FKBP14: variants seen among roughly 807,000 people sequenced by gnomAD.
The protein encoded by FKBP14 is peptidyl-prolyl cis-trans isomerase FKBP14.
A neutral mutation model predicts 21.6 loss-of-function variants in FKBP14; 20 were observed. That is an observed-to-expected ratio of 0.92 (90% CI 0.65 to 1.34). FKBP14 has a LOEUF of 1.34. Among genes scored for constraint, FKBP14 ranks in the 40% most tolerant of loss-of-function variants. FKBP14 has a pLI of 0.00. For missense variants in FKBP14, 253 were observed against 249.0 expected, an observed-to-expected ratio of 1.02 and a Z score of -0.11; for synonymous variants, 79 against 86.7, an observed-to-expected ratio of 0.91 and a Z score of 0.49.
At chr7:30,026,110 CAT>C (rs748479404) in intron 1 of FKBP14, among the ~76,000 whole-genome samples, 200 bp downstream of exon 1, 5 of 152,220 alleles carry the variant, frequency 3.3e-5, no homozygotes, top group African/African-American at 1.2e-4. Flanking sequence ...TTCCAGACCA[CAT>C]GTTTCCAACA....
chr7:30,014,808 A>G lies in FKBP14; in HGVS notation c.563T>C (p.Phe188Ser). Reference sequence around the variant, plus strand: ...ATCTTTGTCTTCATCTTCTTTATCAAAAATATCCTCCACCAAAGCATCATG... The same window carrying G: ...ATCTTTGTCTTCATCTTCTTTATCAGAAATATCCTCCACCAAAGCATCATG... ...SHHDALVEDI[F>S]DKEDEDKDGF... The change falls in exon 4 of 4, where the codon TTT becomes TCT. Residue 188 changes from phenylalanine (F) to serine (S), a missense_variant. Phe to Ser is a radical substitution (Grantham distance 155). Coordinates refer to ENST00000222803, the MANE Select transcript of FKBP14 (RefSeq NM_017946.4). 1 of 1,611,580 alleles carries G rather than the reference A, an allele frequency of 6.2e-7. No homozygotes were observed. The highest frequency in any genetic ancestry group is 1.3e-5 in the African/African-American group (1 of 74,918).
At chr7:30,017,998 GAAAT>G (rs56283024) in intron 3 of FKBP14, among the ~76,000 whole-genome samples, 44,928 of 145,076 alleles carry the variant, frequency 0.31, 7,405 homozygotes, top group African/African-American at 0.41. Flanking sequence ...TCCCTCTCAG[GAAAT>G]AAATAAATAA....
chr7:30,018,678 CA>C (rs1291555273), intron 3 of FKBP14, among the ~76,000 whole-genome samples: 2 of 152,194 alleles, frequency 1.3e-5, no homozygotes, highest in Non-Finnish European at 2.9e-5. Flanking sequence ...ACTGTCTTGG[CA>C]AAATTGTTCT....
At position 30,012,069 on chromosome 7, in the gene FKBP14, A is replaced by G. The variant is rs1789754596; in HGVS notation, c.*2666T>C. ...ATCTAGGTTTGTGTAAGTACACTCTATGATGTTCCCACAACGATGAAATAA... is the reference window on the plus strand; with the variant it reads ...ATCTAGGTTTGTGTAAGTACACTCTGTGATGTTCCCACAACGATGAAATAA... On this transcript the variant is annotated 3_prime_UTR_variant, in exon 4 of 4. Coordinates refer to ENST00000222803, the MANE Select transcript of FKBP14 (RefSeq NM_017946.4). 6.6e-6 allele frequency: 1 copy of G among 152,204 alleles called. No individual in the cohort carries two copies. The highest frequency in any genetic ancestry group is 2.4e-5 in the African/African-American group (1 of 41,450). The allele number at this position is 152,204 out of a possible 1,614,324, so 9.4% of individuals were successfully genotyped here. A position where few individuals can be genotyped will look rare whatever the true frequency, so the allele number is the denominator to read the frequency against.
chr7:30,018,943 C>T (rs1006869082), intron 3 of FKBP14, 53 bp downstream of exon 3: 1 of 1,579,962 alleles, frequency 6.3e-7, no homozygotes, highest in African/African-American at 1.4e-5. Context: ...CAAAACAAAA[C>T]CCCAAACAAC....
downstream of FKBP14, among the ~76,000 whole-genome samples, chr7:30,007,528 G>C (rs998399197): frequency 6.6e-6 from 1 of 152,090 alleles, no homozygotes; most frequent in African/African-American, 2.4e-5. Context: ...TCTAACCCTG[G>C]GGAGGATGGT....
intron 1 of FKBP14, among the ~76,000 whole-genome samples, chr7:30,023,489 T>C (rs1790089372): frequency 6.6e-6 from 1 of 152,194 alleles, no homozygotes; most frequent in African/African-American, 2.4e-5. Flanking sequence ...TTTTCATCCC[T>C]AAATCCCCAC....
At chr7:30,009,931 G>A (rs949368359), downstream of FKBP14, among the ~76,000 whole-genome samples, 2 of 152,020 alleles carry the variant, frequency 1.3e-5, no homozygotes, top group African/African-American at 2.4e-5. Flanking sequence ...CCTGGGAGGC[G>A]GAGGTTGTGG....
chr7:30,016,252 A>C (rs1789881874), intron 3 of FKBP14, among the ~76,000 whole-genome samples: 1 of 152,232 alleles, frequency 6.6e-6, no homozygotes, highest in African/African-American at 2.4e-5. Context: ...CTTTGACTTG[A>C]ATAAATGTCT....
Position 30,013,625 on chromosome 7 carries a change from G to T in FKBP14, c.*1110C>A, listed in dbSNP as rs1427312106. The T allele has an allele frequency of 6.6e-6, 1 of 152,120 alleles. No homozygotes were observed. Among genetic ancestry groups the T allele is most frequent in the Non-Finnish European group, 1.5e-5 (1 of 68,032 alleles). 9.4% of individuals were successfully genotyped at this position (152,120 alleles called of 1,614,324 possible). A position where few individuals can be genotyped will look rare whatever the true frequency, so the allele number is the denominator to read the frequency against. On this transcript the variant is annotated 3_prime_UTR_variant, in exon 4 of 4. Coordinates refer to ENST00000222803, the MANE Select transcript of FKBP14 (RefSeq NM_017946.4). ...CTTTATCTTATGATACAATGTTATT[G>T]TAGTATAATATACTATAGACTACCC...
At chr7:30,007,968 G>A (rs1789645275), downstream of FKBP14, among the ~76,000 whole-genome samples, 1 of 152,182 alleles carries the variant, frequency 6.6e-6, no homozygotes, top group Non-Finnish European at 1.5e-5. Flanking sequence ...AGAATCGCTT[G>A]AACCTGGGAG....
intron 2 of FKBP14, 139 bp from the exon 3 acceptor site, chr7:30,019,262 GTATAT>G (rs1226297080): frequency 5.3e-6 from 4 of 755,522 alleles, no homozygotes; most frequent in African/African-American, 3.7e-5. Context: ...TGAAAATTAT[GTATAT>G]TATATTTTAC....
chr7:30,010,563 T>C (rs890967920), downstream of FKBP14: 2 of 152,248 alleles, frequency 1.3e-5, no homozygotes, highest in Non-Finnish European at 2.9e-5. Flanking sequence ...GAAATTGGTG[T>C]TGAAGAATTT....
intron 3 of FKBP14, among the ~76,000 whole-genome samples, chr7:30,017,141 G>A (rs1438758674): frequency 6.6e-6 from 1 of 151,572 alleles, no homozygotes; most frequent in Non-Finnish European, 1.5e-5. Flanking sequence ...CGGGTGCAAT[G>A]GTGCATGCTT....
chr7:30,025,670 A>G (rs1790155229), intron 1 of FKBP14: 1 of 152,244 alleles, frequency 6.6e-6, no homozygotes, highest in African/African-American at 2.4e-5. Context: ...TCGTTTATAG[A>G]ACAGAAATGA....
At chr7:30,018,161 G>A (rs1789942540) in intron 3 of FKBP14, among the ~76,000 whole-genome samples, 1 of 152,134 alleles carries the variant, frequency 6.6e-6, no homozygotes, top group Non-Finnish European at 1.5e-5. Flanking sequence ...ATACTATGAG[G>A]TGTTATAAAT....
At chr7:30,006,116 CTTTTT>C (rs67895228), downstream of FKBP14, among the ~76,000 whole-genome samples, 2 of 110,350 alleles carry the variant, frequency 1.8e-5, no homozygotes, top group Non-Finnish European at 1.8e-5. Flanking sequence ...TTAGGATAGT[CTTTTT>C]TTTTTTTTTT....
rs777354057 is a variant in FKBP14 at position 30,011,983 on chromosome 7, C to T, written c.*2752G>A. The T allele has an allele frequency of 6.6e-6, 1 of 152,214 alleles. No individual in the cohort carries two copies. The highest frequency in any genetic ancestry group is 1.5e-5 in the Non-Finnish European group (1 of 68,050). 9.4% of individuals were successfully genotyped at this position (152,214 alleles called of 1,614,324 possible). A position where few individuals can be genotyped will look rare whatever the true frequency, so the allele number is the denominator to read the frequency against. ...TTGCCTACATGATTCAGAACAGCAA[C>T]ATGCTGTAGCCTAGGAGCAATAGGC... is the stretch of plus-strand genomic sequence containing the variant. On this transcript the variant is annotated 3_prime_UTR_variant, in exon 4 of 4. Transcript: ENST00000222803.
At position 30,011,532 on chromosome 7, in the gene FKBP14, C is replaced by T. The variant is rs967446718; in HGVS notation, c.*3203G>A. ...TATACCATATATATATATATACACA[C>T]ACCATATATATATATACTATATATA... On this transcript the variant is annotated 3_prime_UTR_variant, in exon 4 of 4. Coordinates refer to ENST00000222803, the MANE Select transcript of FKBP14 (RefSeq NM_017946.4). 2 of 143,426 alleles carry T rather than the reference C, an allele frequency of 1.4e-5. No individual in the cohort carries two copies. Among genetic ancestry groups the T allele is most frequent in the South Asian group, 2.2e-4 (1 of 4,600 alleles). 8.9% of individuals were successfully genotyped at this position (143,426 alleles called of 1,614,324 possible). A position where few individuals can be genotyped will look rare whatever the true frequency, so the allele number is the denominator to read the frequency against.
Sources: allele counts gnomAD v4.1 joint callset (sites outside exome capture counted in the v4.1 genomes callset), GRCh38; gene constraint gnomAD v4.1.1; transcripts MANE v1.5; gene names NCBI Gene and HGNC (gene_info 2026-07-23, HGNC 2026-07-21).